LRRTM4: variants seen among roughly 807,000 people sequenced by gnomAD.
The protein encoded by LRRTM4 is leucine rich repeat transmembrane neuronal 4.
In LRRTM4, 25 loss-of-function variants were observed where a neutral mutation model predicts 47.6. The ratio of observed to expected loss-of-function variants is 0.53; its 90% CI spans 0.38 to 0.73. The LOEUF is 0.73. LRRTM4 is among the 30% of genes least tolerant of loss of function. LRRTM4 has a pLI of 0.00. For missense variants in LRRTM4, 638 were observed against 713.4 expected (o/e 0.89, Z 1.20); for synonymous variants, 311 against 269.5 (o/e 1.15, Z -1.51).
chr2:77,425,101 G>T (rs1363259932), intron 3 of LRRTM4, among the ~76,000 whole-genome samples: 1 of 152,012 alleles, frequency 6.6e-6, no homozygotes, highest in East Asian at 1.9e-4. Context: ...TGAGGAATTT[G>T]GTATTTAACA....
intron 3 of LRRTM4, among the ~76,000 whole-genome samples, chr2:77,510,062 G>A (rs1248928681): frequency 6.6e-6 from 1 of 151,982 alleles, no homozygotes; most frequent in Non-Finnish European, 1.5e-5. Context: ...TAATTAATGT[G>A]TATTTACATT....
chr2:77,146,572 G>A (rs564054987), intron 3 of LRRTM4, among the ~76,000 whole-genome samples: 10 of 152,158 alleles, frequency 6.6e-5, no homozygotes, highest in East Asian at 3.9e-4. Context: ...ATTTTAAGCC[G>A]GGAATAACTA....
chr2:77,050,392 T>C (rs1335755857), intron 3 of LRRTM4, among the ~76,000 whole-genome samples: 1 of 152,132 alleles, frequency 6.6e-6, no homozygotes, highest in African/African-American at 2.4e-5. Flanking sequence ...TTTTGTTTGT[T>C]TTAATTTAGC....
intron 3 of LRRTM4, among the ~76,000 whole-genome samples, chr2:77,068,080 T>C (rs1219542470): frequency 6.6e-6 from 1 of 152,154 alleles, no homozygotes; most frequent in Admixed American, 6.5e-5. Flanking sequence ...AGAGGTGATA[T>C]ATGGACAAGA....
chr2:77,085,377 ACTT>A (rs1230086389), intron 3 of LRRTM4, among the ~76,000 whole-genome samples: 3 of 136,382 alleles, frequency 2.2e-5, no homozygotes, highest in East Asian at 2.1e-4. Flanking sequence ...GCAATCCCTC[ACTT>A]TTTTTTTTTT....
intron 3 of LRRTM4, among the ~76,000 whole-genome samples, chr2:76,978,577 C>T (rs1302261382): frequency 6.6e-6 from 1 of 152,034 alleles, no homozygotes; most frequent in Non-Finnish European, 1.5e-5. Context: ...TGAGATAGCA[C>T]AGTGCACTTA....
rs371642974 is a variant in LRRTM4 at position 76,904,059 on chromosome 2, C to A, written c.1552-155143G>T. On this transcript the variant is annotated intron_variant, in intron 3 of 3. Coordinates refer to ENST00000409884, the MANE Select transcript of LRRTM4 (RefSeq NM_001134745.3). ...AACTCATTTAATATTTGCAGCAACA[C>A]TGGTGACAGCTCTGATTCCCACCTA... 2.5e-4 allele frequency among the ~76,000 whole-genome samples: 38 copies of A among 152,340 alleles called. No homozygotes were observed. The East Asian group carries it at 5.2e-3, about 21-fold the overall frequency.
At chr2:77,303,581 C>T (rs978650483) in intron 3 of LRRTM4, among the ~76,000 whole-genome samples, 4 of 152,142 alleles carry the variant, frequency 2.6e-5, no homozygotes, top group African/African-American at 9.7e-5. Context: ...CTGTCCTCAA[C>T]ACTTTTTAAC....
intron 3 of LRRTM4, among the ~76,000 whole-genome samples, chr2:77,451,822 G>T (rs1422288532): frequency 6.6e-6 from 1 of 152,266 alleles, no homozygotes; most frequent in East Asian, 1.9e-4. Flanking sequence ...AAAATCTGTT[G>T]AAGTTATAGC....
rs386390523 is a variant in LRRTM4 at position 76,911,948 on chromosome 2, G to GT, written c.1552-163033_1552-163032insA. On this transcript the variant is annotated intron_variant, in intron 3 of 3. Coordinates refer to ENST00000409884, the MANE Select transcript of LRRTM4 (RefSeq NM_001134745.3). Reference sequence around the variant, plus strand: ...GTATGTGCTTTTTGGGGGGGGGGGGGGGACAGAGTCTCGCTCTGTCGCCCA... The same window carrying GT: ...GTATGTGCTTTTTGGGGGGGGGGGGGTGGACAGAGTCTCGCTCTGTCGCCCA... Among the ~76,000 whole-genome samples, 20 of 129,682 alleles carry GT rather than the reference G, an allele frequency of 1.5e-4. 1 individual carries two copies. The highest frequency in any genetic ancestry group is 3.2e-4 in the Non-Finnish European group (19 of 60,118). 85.1% of individuals were successfully genotyped at this position (129,682 alleles called of 152,430 possible).
chr2:77,018,105 A>AT (rs1678135201), intron 3 of LRRTM4, among the ~76,000 whole-genome samples: 1 of 151,498 alleles, frequency 6.6e-6, no homozygotes, highest in African/African-American at 2.4e-5. Flanking sequence ...TGAAAGTACT[A>AT]TTTTTCCTTT....
intron 3 of LRRTM4, among the ~76,000 whole-genome samples, chr2:77,252,746 T>C (rs1195840620): frequency 6.6e-6 from 1 of 152,070 alleles, no homozygotes; most frequent in East Asian, 1.9e-4. Flanking sequence ...AAGAAAAACG[T>C]TGCGTGCCTC....
At chr2:76,976,722 T>C (rs1299310589) in intron 3 of LRRTM4, among the ~76,000 whole-genome samples, 1 of 151,868 alleles carries the variant, frequency 6.6e-6, no homozygotes, top group Non-Finnish European at 1.5e-5. Context: ...GGTTGGTTAA[T>C]AGATGCAAAG....
intron 3 of LRRTM4, among the ~76,000 whole-genome samples, chr2:77,168,937 T>C (rs1672966939): frequency 6.6e-6 from 1 of 152,188 alleles, no homozygotes; most frequent in Non-Finnish European, 1.5e-5. Context: ...TGCAAGTTAA[T>C]ATATATGATA....
At chr2:77,166,986 C>T (rs1165690951) in intron 3 of LRRTM4, among the ~76,000 whole-genome samples, 1 of 152,054 alleles carries the variant, frequency 6.6e-6, no homozygotes, top group South Asian at 2.1e-4. Flanking sequence ...AGCTTCTACA[C>T]AGCAAAGGAA....
intron 3 of LRRTM4, among the ~76,000 whole-genome samples, chr2:77,284,102 A>G (rs1329627854): frequency 6.6e-6 from 1 of 152,110 alleles, no homozygotes. Context: ...GTATTTTGAA[A>G]TTGTGTTGTG....
intron 3 of LRRTM4, among the ~76,000 whole-genome samples, chr2:77,160,970 G>A (rs562255882): frequency 3.0e-4 from 45 of 152,146 alleles, no homozygotes; most frequent in African/African-American, 1.0e-3. Flanking sequence ...CAGCCTACAT[G>A]AAAGATTAAG....
chr2:77,170,611 A>G (rs1426668178), intron 3 of LRRTM4, among the ~76,000 whole-genome samples: 2 of 152,168 alleles, frequency 1.3e-5, no homozygotes, highest in South Asian at 2.1e-4. Flanking sequence ...AAACTAATAC[A>G]TGGTCATTTT....
intron 3 of LRRTM4, among the ~76,000 whole-genome samples, chr2:76,939,612 T>C (rs1033717371): frequency 2.0e-4 from 31 of 152,104 alleles, no homozygotes; most frequent in African/African-American, 7.5e-4. Context: ...ACCAATATTT[T>C]ACTTGTTATA....
Sources: gnomAD v4.1 joint callset for allele counts (sites outside exome capture counted in the v4.1 genomes callset) on GRCh38, gnomAD v4.1.1 for gene constraint, MANE v1.5 for transcripts, NCBI Gene and HGNC (gene_info 2026-07-23, HGNC 2026-07-21) for gene names.